Variants in SESN1 observed in about 807,000 individuals in gnomAD.
SESN1 encodes sestrin 1.
SESN1 carries 30 observed loss-of-function variants against 59.3 expected under a neutral mutation model. The ratio of observed to expected loss-of-function variants is 0.51; its 90% CI spans 0.38 to 0.69. The LOEUF (loss-of-function observed/expected upper bound fraction) is 0.69, where lower values mean the gene tolerates loss of function less well. SESN1 is among the 30% of genes least tolerant of loss of function. The pLI is 0.00. For synonymous variants in SESN1, 197 were observed against 219.9 expected (o/e 0.90, Z 0.92); for missense variants, 566 against 673.0 (o/e 0.84, Z 1.76).
chr6:109,071,852 T>G (rs1780941367), intron 1 of SESN1, among the ~76,000 whole-genome samples: 1 of 152,180 alleles, frequency 6.6e-6, no homozygotes, highest in Non-Finnish European at 1.5e-5. Flanking sequence ...TCTCTAAAGT[T>G]TAAGGAAAAT....
rs556436341 is a variant in SESN1, at chr6:108,988,315, A to C, written c.1569+228T>G. ...TCTTCTATGTGCTGACAGCCATGCC[A>C]GCACTTCTGAAGACGGGCCAGCCCA... On this transcript the variant is annotated intron_variant, in intron 9 of 9. Transcript: ENST00000436639. 7 of 388,630 alleles carry C rather than the reference A, an allele frequency of 1.8e-5. No individual in the cohort carries two copies. In the Admixed American group the frequency reaches 3.1e-4, roughly 17 times the overall value. The allele number at this position is 388,630 out of a possible 1,614,324, so 24.1% of individuals were successfully genotyped here. A position where few individuals can be genotyped will look rare whatever the true frequency, so the allele number is the denominator to read the frequency against.
At position 109,094,121 on chromosome 6, in the gene SESN1, CA is replaced by C. The variant is rs748441111; in HGVS notation, c.-49del. The C allele has an allele frequency of 4.6e-6, 7 of 1,532,498 alleles. No homozygotes were observed. The East Asian group carries it at 6.8e-5, about 15-fold the overall frequency. The allele number at this position is 1,532,498 out of a possible 1,614,324, so 94.9% of individuals were successfully genotyped here. On this transcript the variant is annotated 5_prime_UTR_variant, in exon 1 of 10. Coordinates refer to ENST00000436639, the MANE Select transcript of SESN1 (RefSeq NM_014454.3). ...TCTTCAGTTACCTTTCAGCATGCCC[CA>C]AAAAAATTGCTTTGTATTTTTAAAA...
chr6:109,086,843 A>G (rs947270273), intron 1 of SESN1, among the ~76,000 whole-genome samples: 2 of 152,198 alleles, frequency 1.3e-5, no homozygotes, highest in Non-Finnish European at 2.9e-5. Context: ...AATAAAATAG[A>G]TGAAATCAGG....
chr6:109,089,203 T>C (rs1036959967), intron 1 of SESN1, among the ~76,000 whole-genome samples: 1 of 152,206 alleles, frequency 6.6e-6, no homozygotes, highest in Non-Finnish European at 1.5e-5. Flanking sequence ...AAATTGCATA[T>C]GCACCACAGC....
intron 1 of SESN1, among the ~76,000 whole-genome samples, chr6:109,018,419 C>T (rs1006134638): frequency 2.0e-5 from 3 of 152,146 alleles, no homozygotes; most frequent in Non-Finnish European, 4.4e-5. Flanking sequence ...AAAATTAATG[C>T]GTGTCTACAT....
chr6:109,005,988 G>A (rs756283511), intron 1 of SESN1, among the ~76,000 whole-genome samples: 10 of 152,182 alleles, frequency 6.6e-5, no homozygotes, highest in Non-Finnish European at 1.2e-4. Context: ...AATGATATCT[G>A]AGAACCAAAT....
chr6:108,993,900 T>C (rs879705986), intron 6 of SESN1, among the ~76,000 whole-genome samples: 4 of 151,984 alleles, frequency 2.6e-5, no homozygotes, highest in Non-Finnish European at 2.9e-5. Flanking sequence ...ATTTTAACTC[T>C]AGAAGCAATC....
chr6:109,081,916 T>A (rs772170720), intron 1 of SESN1, among the ~76,000 whole-genome samples: 2 of 152,236 alleles, frequency 1.3e-5, no homozygotes, highest in Non-Finnish European at 2.9e-5. Context: ...GCAGCTCTAA[T>A]GTCCTCATTA....
At chr6:109,069,993 A>G (rs966107395) in intron 1 of SESN1, among the ~76,000 whole-genome samples, 1 of 152,236 alleles carries the variant, frequency 6.6e-6, no homozygotes, top group African/African-American at 2.4e-5. Context: ...CTGCTGAAAC[A>G]ATGCAACAGC....
chr6:109,094,078 A>G lies in SESN1; in HGVS notation c.-5T>C. On this transcript the variant is annotated 5_prime_UTR_variant, in exon 1 of 10. Transcript: ENST00000436639. ...TTCATTCTCTCCTTCAGCCATGACA[A>G]TAGTTTTTCCTTTGCGGTCTTCAGT... 1.2e-6 allele frequency: 2 copies of G among 1,608,022 alleles called. No individual in the cohort carries two copies. The highest frequency in any genetic ancestry group is 2.2e-5 in the East Asian group (1 of 44,718).
intron 1 of SESN1, among the ~76,000 whole-genome samples, chr6:109,039,041 A>G (rs532813815): frequency 2.3e-3 from 274 of 118,802 alleles, no homozygotes; most frequent in South Asian, 6.4e-3. Context: ...AAGAAAGAAG[A>G]AGGAGGGAGA....
At chr6:109,009,342 GC>G in intron 1 of SESN1, 1 of 1,467,942 alleles carries the variant, frequency 6.8e-7, no homozygotes, top group Non-Finnish European at 9.0e-7. Flanking sequence ...GGCCCGCTCA[GC>G]CCCTCGCCCA....
At chr6:109,029,036 C>G (rs1780141518) in intron 1 of SESN1, among the ~76,000 whole-genome samples, 1 of 152,086 alleles carries the variant, frequency 6.6e-6, no homozygotes, top group Non-Finnish European at 1.5e-5. Flanking sequence ...AGCTTCATGC[C>G]TACTCTGAAA....
chr6:109,065,841 C>A (rs1780816006), intron 1 of SESN1, among the ~76,000 whole-genome samples: 1 of 151,078 alleles, frequency 6.6e-6, no homozygotes, highest in Non-Finnish European at 1.5e-5. Flanking sequence ...ATTACTATAC[C>A]TTTTCTCTAT....
intron 1 of SESN1, among the ~76,000 whole-genome samples, chr6:109,022,472 G>GAGTGC (rs1189778617): frequency 7.4e-6 from 1 of 135,602 alleles, no homozygotes; most frequent in Non-Finnish European, 1.5e-5. Context: ...GCCCAGGCTG[G>GAGTGC]AGTGCAGTGG....
In SESN1 at chr6:108,988,774, C is replaced by T. The variant is rs1250185134; in HGVS notation, c.1425-87G>A. 15 of 1,079,854 alleles carry T rather than the reference C, an allele frequency of 1.4e-5. No individual in the cohort carries two copies. The South Asian group carries it at 2.0e-4, about 14-fold the overall frequency. The allele number at this position is 1,079,854 out of a possible 1,614,324, so 66.9% of individuals were successfully genotyped here. On this transcript the variant is annotated intron_variant, in intron 8 of 9. Coordinates refer to ENST00000436639, the MANE Select transcript of SESN1 (RefSeq NM_014454.3). ...AAAGTATACACATCAATAGTTAATA[C>T]TGTATTTTTTCTCTCTTTGTGTAGG... is the stretch of plus-strand genomic sequence containing the variant.
At chr6:109,039,007 G>C (rs1780293231) in intron 1 of SESN1, among the ~76,000 whole-genome samples, 1 of 147,224 alleles carries the variant, frequency 6.8e-6, no homozygotes, top group Non-Finnish European at 1.5e-5. Context: ...GAGAAAAGAA[G>C]AAAGAGAAAG....
At chr6:109,028,961 T>C (rs1780140031) in intron 1 of SESN1, among the ~76,000 whole-genome samples, 1 of 152,224 alleles carries the variant, frequency 6.6e-6, no homozygotes, top group East Asian at 1.9e-4. Flanking sequence ...TTTACCTTTA[T>C]GTATATTAAC....
intron 1 of SESN1, among the ~76,000 whole-genome samples, chr6:109,030,938 T>A (rs1291486529): frequency 1.3e-5 from 2 of 152,334 alleles, no homozygotes; most frequent in East Asian, 3.9e-4. Flanking sequence ...ACTACTCAAC[T>A]GTTTAAAATG....
Sources: allele counts gnomAD v4.1 joint callset (sites outside exome capture counted in the v4.1 genomes callset), GRCh38; gene constraint gnomAD v4.1.1; transcripts MANE v1.5; gene names NCBI Gene and HGNC (gene_info 2026-07-23, HGNC 2026-07-21).